Variants in TJP1 observed in about 807,000 individuals in gnomAD.
TJP1 encodes the protein tight junction protein ZO-1.
A neutral mutation model predicts 194.2 loss-of-function variants in TJP1; 43 were observed. The observed-to-expected ratio is 0.22, with a 90% confidence interval of 0.17 to 0.29. TJP1 has a LOEUF of 0.29. Ranked by LOEUF, TJP1 falls within the 10% of genes least tolerant of loss-of-function variation. The probability of loss-of-function intolerance (pLI) is 1.00; values close to 1 mark genes in which losing one functional copy is unlikely to be tolerated. For synonymous variants in TJP1, 801 were observed against 779.0 expected (o/e 1.03, Z -0.47); for missense variants, 1,971 against 2,185.7 (o/e 0.90, Z 1.96).
intron 2 of TJP1, among the ~76,000 whole-genome samples, chr15:29,797,475 G>A (rs1236299534): frequency 6.6e-6 from 1 of 151,528 alleles, no homozygotes; most frequent in East Asian, 1.9e-4. Context: ...CTTAAAGCAT[G>A]TACTGCAAAA....
At chr15:29,801,389 C>T (rs963553430) in intron 1 of TJP1, among the ~76,000 whole-genome samples, 2 of 152,142 alleles carry the variant, frequency 1.3e-5, no homozygotes, top group Non-Finnish European at 2.9e-5. Context: ...CAATACAGGT[C>T]CTGCCCAAAT....
intron 19 of TJP1, 26 bp downstream of exon 19, chr15:29,720,332 C>A (rs781036317): frequency 6.6e-7 from 1 of 1,519,036 alleles, no homozygotes; most frequent in African/African-American, 1.4e-5. Context: ...CCTCTATCTA[C>A]AAAACGTTGA....
At chr15:29,944,489 C>A (rs1487188621) in intron 2 of TJP1, among the ~76,000 whole-genome samples, 1 of 152,126 alleles carries the variant, frequency 6.6e-6, no homozygotes, top group African/African-American at 2.4e-5. Flanking sequence ...GAATTTATGA[C>A]CCTATGTTTA....
chr15:29,921,229 G>A (rs1220994070), intron 2 of TJP1, among the ~76,000 whole-genome samples: 1 of 152,052 alleles, frequency 6.6e-6, no homozygotes, highest in Non-Finnish European at 1.5e-5. Flanking sequence ...GCACTCTCCC[G>A]TCACCTCCTG....
At chr15:29,813,342 T>C (rs1042719130) in intron 1 of TJP1, among the ~76,000 whole-genome samples, 3 of 152,186 alleles carry the variant, frequency 2.0e-5, no homozygotes, top group Admixed American at 6.5e-5. Flanking sequence ...TGCCTCATAA[T>C]GCATATCTAA....
At chr15:29,928,453 G>T (rs1346123660) in intron 2 of TJP1, among the ~76,000 whole-genome samples, 1 of 152,130 alleles carries the variant, frequency 6.6e-6, no homozygotes, top group African/African-American at 2.4e-5. Context: ...AGCCATTTTA[G>T]AACTGTTCGG....
At chr15:29,810,331 T>C (rs2049405116) in intron 1 of TJP1, among the ~76,000 whole-genome samples, 1 of 152,058 alleles carries the variant, frequency 6.6e-6, no homozygotes, top group African/African-American at 2.4e-5. Flanking sequence ...GGTTTGAAAA[T>C]TTTCCACTTA....
chr15:29,769,466 T>C (rs368839237), intron 4 of TJP1, among the ~76,000 whole-genome samples: 1 of 152,078 alleles, frequency 6.6e-6, no homozygotes, highest in Non-Finnish European at 1.5e-5. Flanking sequence ...ACTAAACAAG[T>C]AGGTAGTAAT....
chr15:29,780,405 T>C (rs577979711), intron 2 of TJP1, among the ~76,000 whole-genome samples: 1 of 151,942 alleles, frequency 6.6e-6, no homozygotes, highest in Non-Finnish European at 1.5e-5. Flanking sequence ...CACACTCCTG[T>C]GAGAATGTGA....
At chr15:29,862,965 A>G (rs1295775601) in intron 2 of TJP1, among the ~76,000 whole-genome samples, 2 of 150,720 alleles carry the variant, frequency 1.3e-5, no homozygotes, top group East Asian at 4.1e-4. Flanking sequence ...GGTTTTTATA[A>G]CAAGGCAATG....
chr15:29,955,129 A>G (rs2055889498), intron 2 of TJP1, among the ~76,000 whole-genome samples: 1 of 152,088 alleles, frequency 6.6e-6, no homozygotes, highest in South Asian at 2.1e-4. Flanking sequence ...CTGAGCTTTT[A>G]TTTTCAGTAG....
At chr15:29,784,901 T>C (rs1522797) in intron 2 of TJP1, among the ~76,000 whole-genome samples, 143,479 of 152,188 alleles carry the variant, frequency 0.94, 67,834 homozygotes, top group East Asian at 1. Context: ...TGATAGCATG[T>C]GCAAAAAAAA....
intron 2 of TJP1, among the ~76,000 whole-genome samples, chr15:29,874,160 G>A (rs1422522726): frequency 2.0e-5 from 3 of 152,136 alleles, no homozygotes; most frequent in Non-Finnish European, 2.9e-5. Flanking sequence ...TGACAGTAAC[G>A]GAGGTGCGGT....
intron 8 of TJP1, among the ~76,000 whole-genome samples, chr15:29,758,717 G>A (rs767319533): frequency 6.6e-6 from 1 of 152,098 alleles, no homozygotes; most frequent in Non-Finnish European, 1.5e-5. Flanking sequence ...TGTATGTGTT[G>A]CGGCAGTAAT....
At chr15:29,910,614 A>C (rs529700767) in intron 2 of TJP1, among the ~76,000 whole-genome samples, 2 of 152,264 alleles carry the variant, frequency 1.3e-5, no homozygotes, top group Admixed American at 6.5e-5. Flanking sequence ...GAAAGTAATT[A>C]TATTTGTGGT....
At chr15:29,832,014 C>T (rs1327210772) in intron 2 of TJP1, among the ~76,000 whole-genome samples, 3 of 152,128 alleles carry the variant, frequency 2.0e-5, no homozygotes, top group Non-Finnish European at 4.4e-5. Context: ...TGAAATATTT[C>T]TGTCAGCTAA....
chr15:29,741,450 A>T lies in TJP1; in HGVS notation c.1151-14T>A, dbSNP rs2151339091. ...CAGGCTTTGGTTCTAAGAAAAAAAA[A>T]ATTGAGTAGGACTCACTTTAGAAAA... On this transcript the variant is annotated splice_polypyrimidine_tract_variant and intron_variant, in intron 9 of 27. Transcript: ENST00000614355. The T allele has an allele frequency of 6.3e-7, 1 of 1,576,602 alleles. No individual in the cohort carries two copies. Among genetic ancestry groups the T allele is most frequent in the East Asian group, 2.2e-5 (1 of 44,546 alleles).
At chr15:29,837,767 T>C (rs1295671258) in intron 2 of TJP1, among the ~76,000 whole-genome samples, 1 of 152,200 alleles carries the variant, frequency 6.6e-6, no homozygotes, top group Non-Finnish European at 1.5e-5. Flanking sequence ...GTGGGATATC[T>C]TTACTCTTTC....
intron 2 of TJP1, among the ~76,000 whole-genome samples, chr15:29,935,018 C>T (rs1057293665): frequency 6.6e-6 from 1 of 152,188 alleles, no homozygotes. Flanking sequence ...TTATCTCTCT[C>T]AAATATCTGG....
Sources: allele counts gnomAD v4.1 joint callset (sites outside exome capture counted in the v4.1 genomes callset), GRCh38; gene constraint gnomAD v4.1.1; transcripts MANE v1.5; gene names NCBI Gene and HGNC (gene_info 2026-07-23, HGNC 2026-07-21).